Variants in ATP2A1 observed in about 807,000 individuals in gnomAD.
ATP2A1 encodes sarcoplasmic/endoplasmic reticulum calcium ATPase 1.
Under a neutral mutation model 109.5 loss-of-function variants are expected in ATP2A1, and 83 were observed. The ratio of observed to expected loss-of-function variants is 0.76; its 90% CI spans 0.63 to 0.91. The LOEUF (loss-of-function observed/expected upper bound fraction) is 0.91, where lower values mean the gene tolerates loss of function less well. Among genes scored for constraint, ATP2A1 ranks in the 40% least tolerant of loss-of-function variants. The pLI is 0.00. For synonymous variants in ATP2A1, 505 were observed against 537.6 expected (o/e 0.94, Z 0.84); for missense variants, 1,101 against 1,341.0 (o/e 0.82, Z 2.80).
chr16:28,901,403 AGGC>A, intron 15 of ATP2A1, among the ~76,000 whole-genome samples: 1 of 151,448 alleles, frequency 6.6e-6, no homozygotes, highest in South Asian at 2.1e-4. Flanking sequence ...AGACTGAGGC[AGGC>A]AGATCACCTG....
At position 28,898,048 on chromosome 16, in the gene ATP2A1, GACAGAAAGTCCA is replaced by G. The variant is rs771385467; in HGVS notation, c.1469_1480del (p.Asp490_Met494delinsVal). On this transcript the variant is annotated inframe_deletion, in exon 13 of 23. Coordinates refer to ENST00000395503, the MANE Select transcript of ATP2A1 (RefSeq NM_004320.6). The surrounding 1 kb of genome is among the most constrained non-coding windows in gnomAD (Gnocchi z 4.0). ...GGAATTCACCCTGGAGTTCTCCCGAGACAGAAAGTCCATGTCTGTCTATTGCTCCCCAGCCAA... is the reference window on the plus strand; with the variant it reads ...GGAATTCACCCTGGAGTTCTCCCGAGTGTCTGTCTATTGCTCCCCAGCCAA... 1 of 1,614,194 alleles carries G rather than the reference GACAGAAAGTCCA, an allele frequency of 6.2e-7. No individual in the cohort carries two copies. Among genetic ancestry groups the G allele is most frequent in the Non-Finnish European group, 8.5e-7 (1 of 1,180,044 alleles).
At chr16:28,881,085 A>C in intron 4 of ATP2A1, 66 bp downstream of exon 4, 2 of 1,473,470 alleles carry the variant, frequency 1.4e-6, no homozygotes, top group South Asian at 1.1e-5. Context: ...CCCTCCCTCC[A>C]GTCTCCTCCT....
chr16:28,881,271 G>T (rs1166694199), intron 4 of ATP2A1, among the ~76,000 whole-genome samples: 2 of 152,140 alleles, frequency 1.3e-5, no homozygotes, highest in Admixed American at 1.3e-4. Flanking sequence ...ATAAAATGGG[G>T]CTAGCAATCC....
At chr16:28,879,682 G>C (rs879300947) in intron 3 of ATP2A1, 99 bp downstream of exon 3, 1 of 1,363,356 alleles carries the variant, frequency 7.3e-7, no homozygotes, top group East Asian at 2.5e-5. Context: ...TCCGAGTCCC[G>C]AGCATCCCAT....
Position 28,901,952 on chromosome 16 carries a change from C to T in ATP2A1, c.2190C>T (p.Ala730=). Residue 730 remains alanine (A), a synonymous_variant, in exon 16 of 23, where the codon GCC becomes GCT. Transcript: ENST00000395503. ...MGSGTAVAKT[A]SEMVLADDNF... is the part of the protein sequence containing the mutation. ...CTGGCACTGCCGTGGCCAAGACTGC[C>T]TCTGAGATGGTGCTGGCTGACGACA... 2.5e-6 allele frequency: 4 copies of T among 1,614,264 alleles called. No individual in the cohort carries two copies. Among genetic ancestry groups the T allele is most frequent in the Non-Finnish European group, 3.4e-6 (4 of 1,180,056 alleles).
intron 4 of ATP2A1, 123 bp downstream of exon 4, chr16:28,881,142 C>T (rs554985569): frequency 4.0e-6 from 4 of 1,006,406 alleles, no homozygotes; most frequent in African/African-American, 3.2e-5. Flanking sequence ...GTCCTATCCC[C>T]TGGTCTGGAA....
At position 28,884,043 on chromosome 16, in the gene ATP2A1, G is replaced by A. The variant is rs62037374; in HGVS notation, c.464-532G>A. ...ATTTTCTCAATTTCCATATTTTCCC[G>A]TTTCTCCTTGCCTTCCCTGGCTGTC... On this transcript the variant is annotated intron_variant, in intron 5 of 22. Coordinates refer to ENST00000395503, the MANE Select transcript of ATP2A1 (RefSeq NM_004320.6). 8.6e-5 allele frequency among the ~76,000 whole-genome samples: 13 copies of A among 151,802 alleles called. No homozygotes were observed. The South Asian group carries it at 1.5e-3, about 17-fold the overall frequency.
In ATP2A1 at chr16:28,898,451, G is replaced by T. The variant is rs1273008788; in HGVS notation, c.1764G>T (p.Glu588Asp). The change falls in exon 14 of 23, where the codon GAG (glutamate) becomes GAT (aspartate). Residue 588 changes from glutamate to aspartate, a missense_variant and splice_region_variant. By Grantham distance (45) the Glu-to-Asp change is conservative. Transcript: ENST00000395503. This position sits in a 1 kb window ranked among gnomAD's most constrained non-coding sequence, Gnocchi z 4.0. ...ACTCTGCCAGGTTCCTGGAGTATGAGGTAAGCAGCTGGGAGCCTCCCACTG... is the reference window on the plus strand; with the variant it reads ...ACTCTGCCAGGTTCCTGGAGTATGATGTAAGCAGCTGGGAGCCTCCCACTG... ...LDDSARFLEY[E>D]TDLTFVGVVG... 3.1e-6 allele frequency: 5 copies of T among 1,611,160 alleles called. No homozygotes were observed. Among genetic ancestry groups the T allele is most frequent in the Non-Finnish European group, 4.2e-6 (5 of 1,179,690 alleles).
At position 28,883,282 on chromosome 16, in the gene ATP2A1, C is replaced by T. The variant is rs1245769212; in HGVS notation, c.463+693C>T. Among the ~76,000 whole-genome samples the T allele has an allele frequency of 6.6e-6, 1 of 152,234 alleles. No individual in the cohort carries two copies. On this transcript the variant is annotated intron_variant, in intron 5 of 22. Coordinates refer to ENST00000395503, the MANE Select transcript of ATP2A1 (RefSeq NM_004320.6). This position sits in a 1 kb window ranked among gnomAD's most constrained non-coding sequence, Gnocchi z 5.2. ...GAATGGCTCTTCAGAGGCCTCCTTC[C>T]CTGTAGCAGACATCCGAATCACCAC...
chr16:28,885,690 A>G (rs1389321963), intron 6 of ATP2A1, among the ~76,000 whole-genome samples: 1 of 151,914 alleles, frequency 6.6e-6, no homozygotes, highest in African/African-American at 2.4e-5. Context: ...CGGGACGGGT[A>G]GTGGGAGAAG....
At position 28,878,541 on chromosome 16, in the gene ATP2A1, C is replaced by G. The variant is rs1363166116; in HGVS notation, c.-131C>G. On this transcript the variant is annotated 5_prime_UTR_variant, in exon 1 of 23. Transcript: ENST00000395503. Reference sequence around the variant, plus strand: ...AGAGCTTTGTGGAGGGAAGAAAAACCTGGAGGGGGCAGGAGAGTAAAAAGA... The same window carrying G: ...AGAGCTTTGTGGAGGGAAGAAAAACGTGGAGGGGGCAGGAGAGTAAAAAGA... 2.4e-6 allele frequency: 2 copies of G among 833,654 alleles called. No homozygotes were observed. The highest frequency in any genetic ancestry group is 4.1e-5 in the Admixed American group (2 of 49,052). 51.6% of individuals were successfully genotyped at this position (833,654 alleles called of 1,614,324 possible). A position where few individuals can be genotyped will look rare whatever the true frequency, so the allele number is the denominator to read the frequency against.
At chr16:28,879,411 C>A in intron 2 of ATP2A1, 90 bp from the exon 3 acceptor site, 1 of 1,236,110 alleles carries the variant, frequency 8.1e-7, no homozygotes, top group Non-Finnish European at 1.2e-6. Flanking sequence ...CTAGAGCCTC[C>A]CCACTGCAGG....
At chr16:28,899,553 C>T (rs1964007235) in intron 14 of ATP2A1, among the ~76,000 whole-genome samples, 1 of 148,396 alleles carries the variant, frequency 6.7e-6, no homozygotes. Context: ...GCAGGAGAAT[C>T]GCTTGAACCT....
At position 28,902,325 on chromosome 16, in the gene ATP2A1, C is replaced by A. The variant is rs1336423102; in HGVS notation, c.2463C>A (p.Pro821=). The A allele has an allele frequency of 6.2e-7, 1 of 1,614,032 alleles. No homozygotes were observed. Among genetic ancestry groups the A allele is most frequent in the African/African-American group, 1.3e-5 (1 of 74,926 alleles). ...ACCTGGACATCATGGACCGCCCCCC[C>A]CGGAGCCCCAAGGAGCCCCTCATCA... ...PPDLDIMDRP[P]RSPKEPLISG... Residue 821 remains proline, a synonymous_variant, in exon 17 of 23, where the codon CCC becomes CCA. Coordinates refer to ENST00000395503, the MANE Select transcript of ATP2A1 (RefSeq NM_004320.6). The surrounding 1 kb of genome is among the most constrained non-coding windows in gnomAD (Gnocchi z 4.8).
intron 5 of ATP2A1, among the ~76,000 whole-genome samples, chr16:28,882,820 T>C (rs1963523849): frequency 6.6e-6 from 1 of 152,156 alleles, no homozygotes; most frequent in Non-Finnish European, 1.5e-5. Flanking sequence ...GCAGACCCCC[T>C]GCTCCCCATC....
At chr16:28,879,339 T>C in intron 2 of ATP2A1, 162 bp from the exon 3 acceptor site, 9 of 861,146 alleles carry the variant, frequency 1.0e-5, no homozygotes, top group Non-Finnish European at 1.7e-5. Context: ...GCCGAGTCTG[T>C]TTCTGGACTC....
rs1363027614 is a variant in ATP2A1, at chr16:28,880,439, G to GGC, written c.220-469_220-468dup. Among the ~76,000 whole-genome samples the GGC allele has an allele frequency of 6.6e-6, 1 of 152,198 alleles. No homozygotes were observed. Among genetic ancestry groups the GGC allele is most frequent in the Non-Finnish European group, 1.5e-5 (1 of 68,030 alleles). ...CTGGCGGTGGCAACAGCTGGGGCGG[G>GGC]GCGCGCGCAGGAGGCCCCGTAACCC... On this transcript the variant is annotated intron_variant, in intron 3 of 22. Transcript: ENST00000395503. This position sits in a 1 kb window ranked among gnomAD's most constrained non-coding sequence, Gnocchi z 4.2.
rs563799639 is a variant in ATP2A1, at chr16:28,880,615, G to T, written c.220-300G>T. 1.3e-5 allele frequency among the ~76,000 whole-genome samples: 2 copies of T among 152,236 alleles called. No individual in the cohort carries two copies. Among genetic ancestry groups the T allele is most frequent in the African/African-American group, 4.8e-5 (2 of 41,454 alleles). Reference sequence around the variant, plus strand: ...ATGGATGTGGCTGTGCGGGGGGTTGGCCTGAGCTTCGCTTCTAAGCCAGCA... The same window carrying T: ...ATGGATGTGGCTGTGCGGGGGGTTGTCCTGAGCTTCGCTTCTAAGCCAGCA... On this transcript the variant is annotated intron_variant, in intron 3 of 22. Coordinates refer to ENST00000395503, the MANE Select transcript of ATP2A1 (RefSeq NM_004320.6). This position sits in a 1 kb window ranked among gnomAD's most constrained non-coding sequence, Gnocchi z 4.2.
Position 28,898,347 on chromosome 16 carries a change from A to T in ATP2A1, c.1660A>T (p.Thr554Ser), listed in dbSNP as rs771632067. 6.2e-7 allele frequency: 1 copy of T among 1,614,178 alleles called. No homozygotes were observed. The highest frequency in any genetic ancestry group is 8.5e-7 in the Non-Finnish European group (1 of 1,180,038). ...KIMAVIKEWG[T>S]GRDTLRCLAL... ...CATGGCGGTGATCAAGGAGTGGGGC[A>T]CTGGCCGGGACACCCTGCGCTGCTT... The change falls in exon 14 of 23, where the codon ACT becomes TCT. Residue 554 changes from threonine (T) to serine (S), a missense_variant. By Grantham distance (58) the Thr-to-Ser change is moderately conservative (BLOSUM62 1). Transcript: ENST00000395503. This position sits in a 1 kb window ranked among gnomAD's most constrained non-coding sequence, Gnocchi z 4.0.
Sources: allele counts gnomAD v4.1 joint callset (sites outside exome capture counted in the v4.1 genomes callset), GRCh38; gene constraint gnomAD v4.1.1; non-coding constraint Gnocchi (gnomAD v3.1); transcripts MANE v1.5; gene names NCBI Gene and HGNC (gene_info 2026-07-23, HGNC 2026-07-21).